FNBP1: variants seen among roughly 807,000 people sequenced by gnomAD.
The protein encoded by FNBP1 is formin binding protein 1, also known as formin-binding protein 1.
FNBP1 carries 26 observed loss-of-function variants against 90.6 expected under a neutral mutation model. The observed-to-expected ratio is 0.29, with a 90% CI of 0.21 to 0.40. The LOEUF (loss-of-function observed/expected upper bound fraction) is 0.40, where lower values mean the gene tolerates loss of function less well. Among genes scored for constraint, FNBP1 ranks in the 10% least tolerant of loss-of-function variants. The pLI is 1.00. For synonymous variants in FNBP1, 260 were observed against 265.2 expected (o/e 0.98, Z 0.19); for missense variants, 635 against 768.0 (o/e 0.83, Z 2.05).
chr9:129,898,559 C>T lies in FNBP1; in HGVS notation c.1687+1406G>A, dbSNP rs1343334509. Among the ~76,000 whole-genome samples the T allele has an allele frequency of 6.6e-5, 10 of 151,924 alleles. 1 individual carries two copies. Among genetic ancestry groups the T allele is most frequent in the Admixed American group, 6.6e-5 (1 of 15,248 alleles). On this transcript the variant is annotated intron_variant, in intron 15 of 16. Transcript: ENST00000446176. ...AGGCTGGAGTAAAGTGGCACGACCT[C>T]GGCTCACTGCCACCTCCGACTCCTG... is the stretch of plus-strand genomic sequence containing the variant.
intron 1 of FNBP1, among the ~76,000 whole-genome samples, chr9:130,040,595 T>G (rs990262552): frequency 7.1e-6 from 1 of 140,102 alleles, no homozygotes; most frequent in Non-Finnish European, 1.5e-5. Context: ...CACGCCAGCC[T>G]GGGCAGGCAA....
At chr9:129,967,891 G>C (rs1050453301) in intron 4 of FNBP1, among the ~76,000 whole-genome samples, 1 of 152,062 alleles carries the variant, frequency 6.6e-6, no homozygotes, top group Admixed American at 6.6e-5. Flanking sequence ...TTTGAGATTG[G>C]GGGGTGGATC....
intron 4 of FNBP1, among the ~76,000 whole-genome samples, chr9:129,976,834 T>C (rs1292342135): frequency 1.3e-5 from 2 of 152,142 alleles, no homozygotes; most frequent in Non-Finnish European, 2.9e-5. Context: ...GCAGAAGCCA[T>C]AGTAATCTTG....
chr9:129,936,854 C>G (rs145903073), intron 6 of FNBP1, among the ~76,000 whole-genome samples: 5 of 152,218 alleles, frequency 3.3e-5, no homozygotes, highest in African/African-American at 1.2e-4. Flanking sequence ...TCGTATTTCT[C>G]TAGGATTTGT....
At chr9:129,926,657 C>T (rs2041955826) in intron 8 of FNBP1, among the ~76,000 whole-genome samples, 2 of 151,996 alleles carry the variant, frequency 1.3e-5, no homozygotes, top group African/African-American at 4.8e-5. Context: ...GAGGCTGAGG[C>T]GGGCGGATTA....
rs145138312 is a variant in FNBP1, at chr9:129,941,250, A to G, written c.514-11555T>C. On this transcript the variant is annotated intron_variant, in intron 6 of 16. Coordinates refer to ENST00000446176, the MANE Select transcript of FNBP1 (RefSeq NM_015033.3). ...CTAAAAATACAAAAATTAGCCGTGC[A>G]TGGTGGCCCACGCCTGTAATCCAGG... Among the ~76,000 whole-genome samples, 150 of 151,904 alleles carry G rather than the reference A, an allele frequency of 9.9e-4. 1 individual carries two copies. The highest frequency in any genetic ancestry group is 3.4e-3 in the African/African-American group (140 of 41,434).
rs946628871 is a variant in FNBP1 at position 129,900,991 on chromosome 9, C to T, written c.1429-444G>A. 1.3e-5 allele frequency among the ~76,000 whole-genome samples: 2 copies of T among 152,190 alleles called. No homozygotes were observed. The highest frequency in any genetic ancestry group is 2.9e-5 in the Non-Finnish European group (2 of 68,036). ...AAGCAGTGACTCAGTTTGAAAGCCACACTTCCTATTTTTTAGGAGTGTAAC... is the reference window on the plus strand; with the variant it reads ...AAGCAGTGACTCAGTTTGAAAGCCATACTTCCTATTTTTTAGGAGTGTAAC... On this transcript the variant is annotated intron_variant, in intron 13 of 16. Coordinates refer to ENST00000446176, the MANE Select transcript of FNBP1 (RefSeq NM_015033.3). This position sits in a 1 kb window ranked among gnomAD's most constrained non-coding sequence, Gnocchi z 4.1.
At position 129,890,805 on chromosome 9, in the gene FNBP1, T is replaced by C. The variant is rs1210140746; in HGVS notation, c.1847-259A>G. 6.6e-6 allele frequency among the ~76,000 whole-genome samples: 1 copy of C among 152,142 alleles called. No homozygotes were observed. Among genetic ancestry groups the C allele is most frequent in the Admixed American group, 6.5e-5 (1 of 15,280 alleles). On this transcript the variant is annotated intron_variant, in intron 16 of 16. Coordinates refer to ENST00000446176, the MANE Select transcript of FNBP1 (RefSeq NM_015033.3). The surrounding 1 kb of genome is among the most constrained non-coding windows in gnomAD (Gnocchi z 5.8). Reference sequence around the variant, plus strand: ...AAGAGAAGCCCAAACAGGAGACTGATGAGGCCATCCGCCCCAACTCGTCTT... The same window carrying C: ...AAGAGAAGCCCAAACAGGAGACTGACGAGGCCATCCGCCCCAACTCGTCTT...
At chr9:129,924,490 G>C (rs1218106272) in intron 9 of FNBP1, among the ~76,000 whole-genome samples, 1 of 152,200 alleles carries the variant, frequency 6.6e-6, no homozygotes, top group Non-Finnish European at 1.5e-5. Context: ...ACGTCCCCAG[G>C]TTAATGCTGT....
intron 12 of FNBP1, among the ~76,000 whole-genome samples, chr9:129,906,083 A>G (rs1052101533): frequency 6.6e-6 from 1 of 151,834 alleles, no homozygotes; most frequent in Non-Finnish European, 1.5e-5. Flanking sequence ...GGGTTTCTTC[A>G]TGTTGGTCAG....
chr9:129,892,314 G>A (rs965556417), intron 16 of FNBP1, among the ~76,000 whole-genome samples: 7 of 150,208 alleles, frequency 4.7e-5, no homozygotes, highest in Non-Finnish European at 1.0e-4. Flanking sequence ...TTGACCCACC[G>A]GAAGTTACTC....
At chr9:130,007,239 CAAAAAAAAAA>C (rs72063140) in intron 1 of FNBP1, among the ~76,000 whole-genome samples, 2 of 77,018 alleles carry the variant, frequency 2.6e-5, no homozygotes, top group African/African-American at 1.0e-4. Context: ...GAGATCCTGT[CAAAAAAAAAA>C]AAAAAAAAGA....
intron 1 of FNBP1, chr9:130,013,710 G>A (rs551581578): frequency 2.2e-6 from 1 of 456,652 alleles, no homozygotes; most frequent in African/African-American, 2.0e-5. Flanking sequence ...TTGTCAATGT[G>A]TTCCCCAAAG....
At chr9:129,923,152 C>A (rs2041345922) in intron 10 of FNBP1, among the ~76,000 whole-genome samples, 1 of 152,118 alleles carries the variant, frequency 6.6e-6, no homozygotes, top group Non-Finnish European at 1.5e-5. Context: ...TGTGAACTAT[C>A]ACGCCCAGTC....
intron 4 of FNBP1, among the ~76,000 whole-genome samples, chr9:129,959,932 G>A (rs1171595874): frequency 6.6e-6 from 1 of 152,102 alleles, no homozygotes; most frequent in Non-Finnish European, 1.5e-5. Context: ...TAACTGGGAT[G>A]TGTTCATTAT....
chr9:129,988,958 T>C (rs2131163096), intron 2 of FNBP1, among the ~76,000 whole-genome samples: 1 of 152,330 alleles, frequency 6.6e-6, no homozygotes, highest in Middle Eastern at 3.4e-3. Context: ...AAGGCCACAA[T>C]GATTTTTCAA....
At chr9:129,911,830 G>A (rs1221747318) in intron 11 of FNBP1, among the ~76,000 whole-genome samples, 1 of 151,652 alleles carries the variant, frequency 6.6e-6, no homozygotes, top group Admixed American at 6.6e-5. Flanking sequence ...TACTTGAGAG[G>A]CTGAGGCAGG....
At chr9:129,996,545 T>TA (rs1564531477) in intron 1 of FNBP1, among the ~76,000 whole-genome samples, 1 of 152,210 alleles carries the variant, frequency 6.6e-6, no homozygotes, top group Non-Finnish European at 1.5e-5. Context: ...GACGCAGCTA[T>TA]AATCTAATTT....
Position 129,957,502 on chromosome 9 carries a change from T to C in FNBP1, c.409-38A>G. The C allele has an allele frequency of 7.0e-7, 1 of 1,423,816 alleles. No homozygotes were observed. The highest frequency in any genetic ancestry group is 1.4e-5 in the African/African-American group (1 of 70,906). 88.2% of individuals were successfully genotyped at this position (1,423,816 alleles called of 1,614,324 possible). On this transcript the variant is annotated intron_variant, in intron 5 of 16. Coordinates refer to ENST00000446176, the MANE Select transcript of FNBP1 (RefSeq NM_015033.3). The surrounding 1 kb of genome is among the most constrained non-coding windows in gnomAD (Gnocchi z 4.3). Reference sequence around the variant, plus strand: ...GAAAATAATTATGAAACCATAAGAGTCCTACGAGAAGATGTAATTTTATCT... The same window carrying C: ...GAAAATAATTATGAAACCATAAGAGCCCTACGAGAAGATGTAATTTTATCT...
Sources: gnomAD v4.1 joint callset for allele counts (sites outside exome capture counted in the v4.1 genomes callset) on GRCh38, gnomAD v4.1.1 for gene constraint, Gnocchi (gnomAD v3.1) non-coding constraint, MANE v1.5 for transcripts, NCBI Gene and HGNC (gene_info 2026-07-23, HGNC 2026-07-21) for gene names.